The following SMG6 variants were observed in gnomAD, a reference collection of about 807,000 sequenced individuals.
SMG6 encodes the protein SMG6 nonsense mediated mRNA decay factor.
Under a neutral mutation model 142.2 loss-of-function variants are expected in SMG6, and 66 were observed. That is an observed-to-expected ratio of 0.46 (90% CI 0.38 to 0.57). The LOEUF (loss-of-function observed/expected upper bound fraction) is 0.57, where lower values mean the gene tolerates loss of function less well. SMG6 is among the 20% of genes least tolerant of loss of function. The pLI, the probability that SMG6 is intolerant of heterozygous loss-of-function variation, is 0.00. For missense variants in SMG6, 1,793 were observed against 1,832.0 expected (o/e 0.98, Z 0.39); for synonymous variants, 779 against 702.4 (o/e 1.11, Z -1.72).
intron 10 of SMG6, among the ~76,000 whole-genome samples, chr17:2,195,123 C>T (rs11651451): frequency 0.41 from 62,779 of 152,066 alleles, 13,437 homozygotes; most frequent in African/African-American, 0.51. Context: ...AATTCTTGTA[C>T]GAGTACAGCT....
chr17:2,210,039 T>C (rs1417350950), intron 10 of SMG6, among the ~76,000 whole-genome samples: 3 of 151,972 alleles, frequency 2.0e-5, no homozygotes, highest in African/African-American at 4.8e-5. Context: ...TCCAACTACT[T>C]GGTGGGGAGA....
chr17:2,300,004 C>G lies in SMG6; in HGVS notation c.749G>C (p.Arg250Pro). The G allele has an allele frequency of 6.2e-7, 1 of 1,614,180 alleles. No homozygotes were observed. The highest frequency in any genetic ancestry group is 1.1e-5 in the South Asian group (1 of 91,084). The part of the protein sequence containing the change: ...SAKRYSRSDK[R>P]RNRYRTRSTS... ...GCTGCGCGTGCGGTAGCGATTCCTTCGTTTGTCTGAGCGGGAGTAGCGCTT... is the reference window on the plus strand; with the variant it reads ...GCTGCGCGTGCGGTAGCGATTCCTTGGTTTGTCTGAGCGGGAGTAGCGCTT... The change falls in exon 2 of 19, where the codon CGA (arginine) becomes CCA (proline). Residue 250 changes from arginine (R) to proline (P), a missense_variant. Coordinates refer to ENST00000263073, the MANE Select transcript of SMG6 (RefSeq NM_017575.5).
chr17:2,070,393 C>T (rs891874697), intron 15 of SMG6, among the ~76,000 whole-genome samples: 1 of 152,148 alleles, frequency 6.6e-6, no homozygotes, highest in African/African-American at 2.4e-5. Context: ...GCCAGGAGGG[C>T]AGGTCCCAGC....
At chr17:2,215,842 G>C (rs2073001922) in intron 10 of SMG6, 1 of 151,386 alleles carries the variant, frequency 6.6e-6, no homozygotes, top group Admixed American at 6.6e-5. Context: ...AAGCATGAGG[G>C]AGGGGAGTGA....
chr17:2,236,031 T>A (rs62069337), intron 10 of SMG6: 1 of 152,180 alleles, frequency 6.6e-6, no homozygotes, highest in African/African-American at 2.4e-5. Flanking sequence ...CCTGGCAGGC[T>A]CCCACTAGGG....
chr17:2,184,960 CAAAAAAAAAAAAAA>C (rs58230459), intron 12 of SMG6, among the ~76,000 whole-genome samples: 1 of 22,474 alleles, frequency 4.4e-5, no homozygotes, highest in South Asian at 4.2e-3. Flanking sequence ...GACTCCATCT[CAAAAAAAAAAAAAA>C]AAAAAAAAAA....
intron 12 of SMG6, among the ~76,000 whole-genome samples, chr17:2,175,356 A>G (rs2071625573): frequency 6.6e-6 from 1 of 152,132 alleles, no homozygotes; most frequent in Admixed American, 6.6e-5. Context: ...TGTGGGCAGC[A>G]GCATCCCCAG....
At chr17:2,257,145 G>T (rs866147997) in intron 8 of SMG6, among the ~76,000 whole-genome samples, 54 of 151,386 alleles carry the variant, frequency 3.6e-4, no homozygotes, top group Non-Finnish European at 1.8e-4. Flanking sequence ...TAGTGCAGTG[G>T]CGTGATCTCG....
In SMG6 at chr17:2,085,924, G is replaced by A. The variant is rs778422277; in HGVS notation, c.3358-23C>T. The A allele has an allele frequency of 5.0e-6, 8 of 1,610,458 alleles. No homozygotes were observed. ...AACCTACAGGGTGAGAGGGAGAGAA[G>A]AAAAACAGCATTTTCTGAAAGGGAA... On this transcript the variant is annotated intron_variant, in intron 13 of 18. Transcript: ENST00000263073. The surrounding 1 kb of genome is among the most constrained non-coding windows in gnomAD (Gnocchi z 4.1).
At chr17:2,236,822 CA>C in intron 9 of SMG6, 185 bp from the exon 10 acceptor site, 2 of 1,298,936 alleles carry the variant, frequency 1.5e-6, no homozygotes, top group Non-Finnish European at 2.0e-6. Flanking sequence ...CAATTTTGAA[CA>C]AATTCAAGAT....
intron 12 of SMG6, 61 bp from the exon 13 acceptor site, chr17:2,172,920 CTCAG>C: frequency 6.6e-7 from 1 of 1,504,788 alleles, no homozygotes; most frequent in South Asian, 1.2e-5. Context: ...AAAAAGTATT[CTCAG>C]TATTTGTGAG....
At chr17:2,203,495 A>G (rs1007157783) in intron 10 of SMG6, among the ~76,000 whole-genome samples, 17 of 152,296 alleles carry the variant, frequency 1.1e-4, no homozygotes, top group African/African-American at 4.1e-4. Flanking sequence ...CTCTCCCAGT[A>G]TTTGAGGAAA....
chr17:2,164,926 G>T lies in SMG6; in HGVS notation c.3357+7732C>A, dbSNP rs1304170630. Among the ~76,000 whole-genome samples, 5 of 151,110 alleles carry T rather than the reference G, an allele frequency of 3.3e-5. No homozygotes were observed. The Admixed American group carries it at 3.3e-4, about 10-fold the overall frequency. ...TACTCCAGCGTGGGCGACAGAGCGA[G>T]ACTCCATCTCAAGGAAAAAAAAAAA... On this transcript the variant is annotated intron_variant, in intron 13 of 18. Transcript: ENST00000263073.
At chr17:2,127,278 G>A (rs530963668) in intron 13 of SMG6, among the ~76,000 whole-genome samples, 4 of 152,100 alleles carry the variant, frequency 2.6e-5, no homozygotes, top group South Asian at 2.1e-4. Flanking sequence ...TAATGGTTAC[G>A]GCGTTTGGAA....
intron 13 of SMG6, among the ~76,000 whole-genome samples, chr17:2,098,195 T>C (rs1250813165): frequency 6.6e-6 from 1 of 152,156 alleles, no homozygotes; most frequent in African/African-American, 2.4e-5. Context: ...TTGCCCCAGT[T>C]GGTCTTGAAC....
intron 8 of SMG6, among the ~76,000 whole-genome samples, chr17:2,277,698 T>C (rs2074692963): frequency 5.3e-5 from 8 of 152,222 alleles, no homozygotes; most frequent in Admixed American, 5.2e-4. Flanking sequence ...AATAATAATT[T>C]TAAAAAGTAA....
At chr17:2,094,630 C>T (rs556307398) in intron 13 of SMG6, among the ~76,000 whole-genome samples, 1 of 152,324 alleles carries the variant, frequency 6.6e-6, no homozygotes, top group African/African-American at 2.4e-5. Context: ...AGGAATCCCA[C>T]TGCCTTAGCC....
chr17:2,093,193 C>CA (rs530054035), intron 13 of SMG6, among the ~76,000 whole-genome samples: 4,097 of 96,746 alleles, frequency 0.042, 111 homozygotes, highest in Middle Eastern at 0.1. Flanking sequence ...GACTCTGTTG[C>CA]AAAAAAAAAA....
At chr17:2,164,944 A>G (rs1430199279) in intron 13 of SMG6, among the ~76,000 whole-genome samples, 2 of 152,194 alleles carry the variant, frequency 1.3e-5, no homozygotes, top group African/African-American at 4.8e-5. Flanking sequence ...CTCAAGGAAA[A>G]AAAAAAAAAT....
Sources: gnomAD v4.1 joint callset for allele counts (sites outside exome capture counted in the v4.1 genomes callset) on GRCh38, gnomAD v4.1.1 for gene constraint, Gnocchi (gnomAD v3.1) non-coding constraint, MANE v1.5 for transcripts, NCBI Gene and HGNC (gene_info 2026-07-23, HGNC 2026-07-21) for gene names.